DMXL1: variants seen among roughly 807,000 people sequenced by gnomAD.
The protein encoded by DMXL1 is Dmx like 1.
Under a neutral mutation model 319.2 loss-of-function variants are expected in DMXL1, and 99 were observed. That is an observed-to-expected ratio of 0.31 (90% CI 0.26 to 0.37). The LOEUF (loss-of-function observed/expected upper bound fraction) is 0.37. Among genes scored for constraint, DMXL1 ranks in the 10% least tolerant of loss-of-function variants. The pLI is 1.00. For synonymous variants in DMXL1, 1,385 were observed against 1,235.2 expected (o/e 1.12, Z -2.54); for missense variants, 3,745 against 3,595.6 (o/e 1.04, Z -1.06).
intron 9 of DMXL1, among the ~76,000 whole-genome samples, chr5:119,123,433 G>T (rs1384204632): frequency 2.1e-5 from 3 of 143,410 alleles, no homozygotes; most frequent in Non-Finnish European, 4.6e-5. Context: ...AGGGAGAGGA[G>T]GGAGAGGGAG....
chr5:119,180,516 T>C (rs796521816), intron 28 of DMXL1, among the ~76,000 whole-genome samples: 45 of 152,346 alleles, frequency 3.0e-4, no homozygotes, highest in African/African-American at 9.1e-4. Context: ...ACTCATTTAC[T>C]TCTCCTTTTT....
In DMXL1 at chr5:119,110,209, G is replaced by A; in HGVS notation, c.423G>A (p.Glu141=). 1 of 1,588,904 alleles carries A rather than the reference G, an allele frequency of 6.3e-7. No individual in the cohort carries two copies. The highest frequency in any genetic ancestry group is 1.2e-5 in the South Asian group (1 of 85,682). The change falls in exon 5 of 44, where the codon GAG becomes GAA. Residue 141 remains glutamate (E), a synonymous_variant. Transcript: ENST00000539542. ...AACTCTGGTCCAATACTAACTTGGA[G>A]AAGCCAACTGAAGATGAAAATTTAA... ...YLQLWSNTNL[E]KPTEDENLNK...
chr5:119,080,959 C>G (rs867376824), intron 1 of DMXL1, among the ~76,000 whole-genome samples: 2 of 152,202 alleles, frequency 1.3e-5, no homozygotes, highest in Non-Finnish European at 2.9e-5. Flanking sequence ...TAACTCATCC[C>G]TAAAGGCTTG....
At position 119,118,988 on chromosome 5, in the gene DMXL1, T is replaced by G; in HGVS notation, c.917T>G (p.Val306Gly). 6.2e-7 allele frequency: 1 copy of G among 1,611,162 alleles called. No individual in the cohort carries two copies. Among genetic ancestry groups the G allele is most frequent in the Non-Finnish European group, 8.5e-7 (1 of 1,178,914 alleles). ...AGAAATGCTTCCAGTAAAGAACGAGTTCAAAATGCTTTAGAAGTGAGTGTT... is the reference window on the plus strand; with the variant it reads ...AGAAATGCTTCCAGTAAAGAACGAGGTCAAAATGCTTTAGAAGTGAGTGTT... ...FKRNASSKER[V>G]QNALEVNLRH... is the part of the protein sequence containing the mutation. Residue 306 changes from valine to glycine, a missense_variant, in exon 8 of 44, where the codon GTT (valine) becomes GGT (glycine). Transcript: ENST00000539542.
chr5:119,122,587 G>C (rs561842365), intron 9 of DMXL1, among the ~76,000 whole-genome samples: 1 of 151,220 alleles, frequency 6.6e-6, no homozygotes, highest in Non-Finnish European at 1.5e-5. Context: ...CTTCTCTGAC[G>C]GGTCGGTTGC....
chr5:119,215,863 A>G (rs1461395015), intron 34 of DMXL1, among the ~76,000 whole-genome samples: 1 of 152,112 alleles, frequency 6.6e-6, no homozygotes, highest in Non-Finnish European at 1.5e-5. Context: ...TGGGAGGCCA[A>G]GGTGGCCAAA....
intron 34 of DMXL1, among the ~76,000 whole-genome samples, chr5:119,209,037 T>A (rs1038186886): frequency 2.6e-5 from 4 of 152,240 alleles, no homozygotes; most frequent in African/African-American, 9.6e-5. Flanking sequence ...TTGTGTGTTT[T>A]AGTAGTTCAT....
intron 42 of DMXL1, among the ~76,000 whole-genome samples, 177 bp from the exon 43 acceptor site, chr5:119,244,182 C>A (rs1561956770): frequency 6.6e-6 from 1 of 152,202 alleles, no homozygotes; most frequent in Admixed American, 6.5e-5. Context: ...TCTCAGAGAT[C>A]ATTCTTCATT....
intron 43 of DMXL1, 46 bp downstream of exon 43, chr5:119,244,622 A>G (rs1294573809): frequency 1.4e-6 from 2 of 1,430,868 alleles, no homozygotes; most frequent in East Asian, 2.3e-5. Flanking sequence ...AAATCTTCAG[A>G]AACCTTAGCT....
At chr5:119,216,308 A>G (rs1783693394) in intron 34 of DMXL1, among the ~76,000 whole-genome samples, 1 of 152,042 alleles carries the variant, frequency 6.6e-6, no homozygotes, top group Non-Finnish European at 1.5e-5. Context: ...AGTACTTAGA[A>G]TGGTGGTTTA....
At chr5:119,114,967 C>A (rs1760517022) in intron 6 of DMXL1, among the ~76,000 whole-genome samples, 1 of 152,172 alleles carries the variant, frequency 6.6e-6, no homozygotes, top group Admixed American at 6.5e-5. Context: ...CATGCCCGGC[C>A]ATTAAAAATT....
intron 39 of DMXL1, among the ~76,000 whole-genome samples, chr5:119,235,063 GC>G (rs1331620829): frequency 1.3e-5 from 2 of 152,056 alleles, no homozygotes; most frequent in Non-Finnish European, 2.9e-5. Context: ...TAATAGCACA[GC>G]CCCTAAGCAT....
chr5:119,086,153 G>A (rs1002909294), intron 1 of DMXL1, among the ~76,000 whole-genome samples: 4 of 152,160 alleles, frequency 2.6e-5, no homozygotes, highest in African/African-American at 9.7e-5. Context: ...AATGGCAAGA[G>A]AGAGAATGAG....
At chr5:119,107,041 A>T (rs1366489650) in intron 4 of DMXL1, among the ~76,000 whole-genome samples, 1 of 152,210 alleles carries the variant, frequency 6.6e-6, no homozygotes, top group East Asian at 1.9e-4. Context: ...TAGAACATAA[A>T]AAGTTATCTT....
intron 13 of DMXL1, among the ~76,000 whole-genome samples, chr5:119,139,476 T>G (rs1042352799): frequency 6.6e-6 from 1 of 152,212 alleles, no homozygotes; most frequent in African/African-American, 2.4e-5. Flanking sequence ...GTTGCCATCC[T>G]GATTTCAGAC....
chr5:119,181,161 T>G (rs748814137), intron 28 of DMXL1, among the ~76,000 whole-genome samples: 83 of 152,308 alleles, frequency 5.4e-4, no homozygotes, highest in Non-Finnish European at 9.7e-4. Flanking sequence ...ATAAATTATT[T>G]TGGGGGGGCC....
intron 23 of DMXL1, among the ~76,000 whole-genome samples, chr5:119,168,678 T>G (rs1773925817): frequency 6.6e-6 from 1 of 152,052 alleles, no homozygotes; most frequent in African/African-American, 2.4e-5. Context: ...AGGGAAAATG[T>G]AAATGCCTTT....
At chr5:119,235,673 A>T (rs1267924324) in intron 39 of DMXL1, among the ~76,000 whole-genome samples, 1 of 152,108 alleles carries the variant, frequency 6.6e-6, no homozygotes, top group Non-Finnish European at 1.5e-5. Flanking sequence ...TGGTTTTTAG[A>T]GTTAAAGAGA....
intron 13 of DMXL1, among the ~76,000 whole-genome samples, chr5:119,135,442 A>T (rs1765779551): frequency 6.6e-6 from 1 of 152,202 alleles, no homozygotes; most frequent in South Asian, 2.1e-4. Flanking sequence ...GGAACTAGAT[A>T]CGTAGATATT....
Sources: gnomAD v4.1 joint callset for allele counts (sites outside exome capture counted in the v4.1 genomes callset) on GRCh38, gnomAD v4.1.1 for gene constraint, MANE v1.5 for transcripts, NCBI Gene and HGNC (gene_info 2026-07-23, HGNC 2026-07-21) for gene names.